Variants in BTLA observed in about 807,000 individuals in gnomAD.
BTLA encodes the protein B and T lymphocyte associated.
A neutral mutation model predicts 25.0 loss-of-function variants in BTLA; 11 were observed. The observed-to-expected ratio is 0.44, with a 90% CI of 0.28 to 0.73. BTLA has a LOEUF of 0.73. BTLA is among the 30% of genes least tolerant of loss of function. The pLI, the probability that BTLA is intolerant of heterozygous loss-of-function variation, is 0.15. For missense variants in BTLA, 282 were observed against 332.8 expected (o/e 0.85, Z 1.19); for synonymous variants, 104 against 119.8 (o/e 0.87, Z 0.86).
rs2082226640 is a variant in BTLA, at chr3:112,466,331, G to T, written c.647C>A (p.Ser216Tyr). Residue 216 changes from serine (S) to tyrosine (Y), a missense_variant, in exon 5 of 5, where the codon TCC becomes TAC. By Grantham distance (144) the Ser-to-Tyr change is moderately radical. This residue lies in a region of BTLA where 119 missense variants were observed against 102.3 expected (regional missense o/e 1.16). Transcript: ENST00000334529. ...TCCAGTTTCTGATAGCAGTACTTGG[G>T]AATTTTGCCTGGTGCTTGCTTCTGT... is the stretch of plus-strand genomic sequence containing the variant. ...EQTEASTRQNSQVLLSETGIY... is the reference protein window; with the variant it reads ...EQTEASTRQNYQVLLSETGIY... The T allele has an allele frequency of 1.2e-6, 2 of 1,613,386 alleles. No homozygotes were observed. Among genetic ancestry groups the T allele is most frequent in the Non-Finnish European group, 1.7e-6 (2 of 1,179,648 alleles).
chr3:112,469,607 G>GTATATATATATATATATATATA (rs60258722), intron 4 of BTLA, 151 bp downstream of exon 4: 2 of 58,356 alleles, frequency 3.4e-5, no homozygotes, highest in African/African-American at 1.4e-4. Flanking sequence ...ATGGGTCTAT[G>GTATATATATATATATATATATA]TATATATATA....
At chr3:112,477,785 T>C (rs1166669718) in intron 2 of BTLA, among the ~76,000 whole-genome samples, 2 of 152,050 alleles carry the variant, frequency 1.3e-5, no homozygotes, top group East Asian at 1.9e-4. Flanking sequence ...GTCTGACTTA[T>C]TTTGATTGCT....
intron 4 of BTLA, 92 bp from the exon 5 acceptor site, chr3:112,466,475 G>T (rs1249749878): frequency 8.5e-7 from 1 of 1,175,776 alleles, no homozygotes; most frequent in Non-Finnish European, 1.2e-6. Flanking sequence ...CTTAAATGGA[G>T]TCATGTCCAT....
Position 112,479,505 on chromosome 3 carries a change from T to G in BTLA, c.353A>C (p.Asn118Thr), listed in dbSNP as rs1326583611. ...GCTTTCAATGAGATTAGACTGAAAA[T>G]TTGCAGAACAGCGGTATGACCCATT... is the stretch of plus-strand genomic sequence containing the variant. ...NDNGSYRCSA[N>T]FQSNLIESHS... Residue 118 changes from asparagine to threonine, a missense_variant, in exon 2 of 5, where the codon AAT (asparagine) becomes ACT (threonine). By Grantham distance (65) the Asn-to-Thr change is moderately conservative. Transcript: ENST00000334529. 4 of 1,613,972 alleles carry G rather than the reference T, an allele frequency of 2.5e-6. No homozygotes were observed. The South Asian group carries it at 4.4e-5, about 18-fold the overall frequency.
intron 4 of BTLA, 121 bp from the exon 5 acceptor site, chr3:112,466,504 GTTCCTCAC>G: frequency 5.8e-6 from 5 of 857,458 alleles, no homozygotes; most frequent in South Asian, 2.5e-5. Flanking sequence ...ATAATCTACT[GTTCCTCAC>G]ATACTCTGCT....
intron 1 of BTLA, among the ~76,000 whole-genome samples, chr3:112,483,967 CAAAA>C (rs34500950): frequency 7.8e-5 from 10 of 128,910 alleles, no homozygotes; most frequent in African/African-American, 2.1e-4. Context: ...GACTCTGTCT[CAAAA>C]AAAAAAAAAA....
chr3:112,473,220 G>A (rs147725776), intron 2 of BTLA, among the ~76,000 whole-genome samples: 42 of 151,710 alleles, frequency 2.8e-4, no homozygotes, highest in African/African-American at 9.5e-4. Flanking sequence ...CAAAACCAGA[G>A]CTAGCCTTGG....
intron 2 of BTLA, among the ~76,000 whole-genome samples, 197 bp downstream of exon 2, chr3:112,479,258 C>G (rs144920578): frequency 8.0e-4 from 122 of 152,270 alleles, no homozygotes; most frequent in African/African-American, 2.8e-3. Context: ...CTCTACTCTC[C>G]TCTATCTCAC....
At chr3:112,482,053 T>C (rs2082320829) in intron 1 of BTLA, among the ~76,000 whole-genome samples, 1 of 152,246 alleles carries the variant, frequency 6.6e-6, no homozygotes, top group African/African-American at 2.4e-5. Flanking sequence ...TTGTTTCTCA[T>C]TTCCTTTTAG....
chr3:112,480,526 G>A (rs574768212), intron 1 of BTLA, among the ~76,000 whole-genome samples: 1 of 152,300 alleles, frequency 6.6e-6, no homozygotes, highest in South Asian at 2.1e-4. Flanking sequence ...AGAGCATGGT[G>A]CCAGCATCTA....
chr3:112,498,188 A>G (rs1461445747), intron 1 of BTLA, among the ~76,000 whole-genome samples: 1 of 152,188 alleles, frequency 6.6e-6, no homozygotes, highest in Non-Finnish European at 1.5e-5. Context: ...AGAGTGTTGC[A>G]GTGCTCAGTT....
chr3:112,499,179 A>T, intron 1 of BTLA, 92 bp downstream of exon 1: 1 of 902,474 alleles, frequency 1.1e-6, no homozygotes, highest in Non-Finnish European at 1.8e-6. Context: ...CTTCGTATAA[A>T]CGTTACACCG....
Position 112,499,376 on chromosome 3 carries a change from G to T in BTLA, c.-18C>A. The T allele has an allele frequency of 6.2e-7, 1 of 1,610,698 alleles. No homozygotes were observed. Among genetic ancestry groups the T allele is most frequent in the Admixed American group, 1.7e-5 (1 of 59,772 alleles). ...GTCTTCATTTCCTGCACATATCAGT[G>T]ATGGAAAAACTGCTCAAGTAGAAGG... is the stretch of plus-strand genomic sequence containing the variant. On this transcript the variant is annotated 5_prime_UTR_variant, in exon 1 of 5. Coordinates refer to ENST00000334529, the MANE Select transcript of BTLA (RefSeq NM_181780.4).
intron 3 of BTLA, chr3:112,470,266 T>C (rs2082255104): frequency 1.3e-5 from 2 of 152,448 alleles, no homozygotes; most frequent in South Asian, 4.1e-4. Context: ...AGAGAGGCCA[T>C]AGAAAGAGCC....
intron 2 of BTLA, among the ~76,000 whole-genome samples, chr3:112,471,576 C>A (rs2082262290): frequency 1.3e-5 from 2 of 152,162 alleles, no homozygotes; most frequent in African/African-American, 4.8e-5. Context: ...TGCAGAAATT[C>A]TTTATTCTGA....
Position 112,499,329 on chromosome 3 carries a change from A to C in BTLA, c.30T>G (p.Thr10=). Residue 10 remains threonine (T), a synonymous_variant, in exon 1 of 5, where the codon ACT becomes ACG. Transcript: ENST00000334529. ...AGAAGAAGACCCAAAATAATTTCCC[A>C]GTTCCAAGCATGGCAGGCAATGTCT... is the stretch of plus-strand genomic sequence containing the variant. MKTLPAMLG[T]GKLFWVFFLI... 2 of 1,613,940 alleles carry C rather than the reference A, an allele frequency of 1.2e-6. No homozygotes were observed. The highest frequency in any genetic ancestry group is 1.7e-6 in the Non-Finnish European group (2 of 1,179,910).
chr3:112,465,623 A>C lies in BTLA; in HGVS notation c.*485T>G, dbSNP rs2107303262. On this transcript the variant is annotated 3_prime_UTR_variant, in exon 5 of 5. Coordinates refer to ENST00000334529, the MANE Select transcript of BTLA (RefSeq NM_181780.4). ...TTTGCATTTAAGAAACACCATTCTTAGACTGACACAGCAAAAATTTCTTAT... is the reference window on the plus strand; with the variant it reads ...TTTGCATTTAAGAAACACCATTCTTCGACTGACACAGCAAAAATTTCTTAT... The C allele has an allele frequency of 6.5e-6, 1 of 152,950 alleles. No individual in the cohort carries two copies. Among genetic ancestry groups the C allele is most frequent in the South Asian group, 2.1e-4 (1 of 4,836 alleles). 9.5% of individuals were successfully genotyped at this position (152,950 alleles called of 1,614,324 possible).
chr3:112,496,231 G>A (rs1471934833), intron 1 of BTLA, among the ~76,000 whole-genome samples: 1 of 152,132 alleles, frequency 6.6e-6, no homozygotes, highest in East Asian at 1.9e-4. Context: ...TCCACTTGCA[G>A]TCTAGATCTT....
intron 1 of BTLA, among the ~76,000 whole-genome samples, chr3:112,484,955 A>G (rs745470827): frequency 6.6e-6 from 1 of 152,230 alleles, no homozygotes; most frequent in Non-Finnish European, 1.5e-5. Flanking sequence ...ACAAGGTATT[A>G]TAATACCTCC....
Sources: gnomAD v4.1 joint callset for allele counts (sites outside exome capture counted in the v4.1 genomes callset) on GRCh38, gnomAD v4.1.1 for gene constraint, gnomAD v4.1.1 regional missense constraint, MANE v1.5 for transcripts, NCBI Gene and HGNC (gene_info 2026-07-23, HGNC 2026-07-21) for gene names.